The following AGBL4 variants were observed in gnomAD, a reference collection of about 807,000 sequenced individuals.
AGBL4 encodes the protein AGBL carboxypeptidase 4, also known as cytosolic carboxypeptidase 6.
In AGBL4, 58 loss-of-function variants were observed where a neutral mutation model predicts 66.4. That is an observed-to-expected ratio of 0.87 (90% CI 0.71 to 1.09). AGBL4 has a LOEUF of 1.09. Among genes scored for constraint, AGBL4 ranks in the 50% least tolerant of loss-of-function variants. The pLI is 0.00. For missense variants in AGBL4, 579 were observed against 631.0 expected, an observed-to-expected ratio of 0.92 and a Z score of 0.88; for synonymous variants, 234 against 222.9, an observed-to-expected ratio of 1.05 and a Z score of -0.44.
chr1:48,941,896 A>T (rs540209385), intron 5 of AGBL4, among the ~76,000 whole-genome samples: 11 of 152,336 alleles, frequency 7.2e-5, no homozygotes, highest in African/African-American at 2.6e-4. Flanking sequence ...ATACAAAGTC[A>T]GGACCTCTTA....
At chr1:49,480,003 G>A (rs1053174571) in intron 3 of AGBL4, among the ~76,000 whole-genome samples, 1 of 151,954 alleles carries the variant, frequency 6.6e-6, no homozygotes, top group Non-Finnish European at 1.5e-5. Context: ...CACGGCGCCC[G>A]GCTCACATTT....
chr1:48,828,604 T>G (rs932143811), intron 6 of AGBL4, among the ~76,000 whole-genome samples: 1 of 152,218 alleles, frequency 6.6e-6, no homozygotes. Context: ...TACATTCAGA[T>G]TTAGATGAAA....
At chr1:49,867,154 C>A (rs1158894360) in intron 1 of AGBL4, among the ~76,000 whole-genome samples, 1 of 152,070 alleles carries the variant, frequency 6.6e-6, no homozygotes, top group Non-Finnish European at 1.5e-5. Flanking sequence ...GGTGTCACAC[C>A]TAGGTGTCTG....
At chr1:48,998,415 G>GA (rs1294110188) in intron 5 of AGBL4, among the ~76,000 whole-genome samples, 5 of 152,298 alleles carry the variant, frequency 3.3e-5, no homozygotes, top group Admixed American at 1.3e-4. Context: ...GGAGACTGGT[G>GA]AATGACCCCT....
chr1:49,633,612 T>C (rs910099231), intron 3 of AGBL4, among the ~76,000 whole-genome samples: 5 of 152,074 alleles, frequency 3.3e-5, no homozygotes, highest in African/African-American at 1.2e-4. Flanking sequence ...AGAGCTATGA[T>C]GGCACCACTG....
At chr1:49,036,795 C>T (rs1664701905) in intron 5 of AGBL4, among the ~76,000 whole-genome samples, 2 of 150,546 alleles carry the variant, frequency 1.3e-5, no homozygotes. Flanking sequence ...CTCTTGGCCT[C>T]AAGCAATGCT....
intron 3 of AGBL4, among the ~76,000 whole-genome samples, chr1:49,473,038 T>C (rs1355644137): frequency 6.6e-6 from 1 of 152,108 alleles, no homozygotes; most frequent in Non-Finnish European, 1.5e-5. Flanking sequence ...TCCTATTTTC[T>C]TTATCCAATC....
At chr1:49,608,344 A>G (rs1234004958) in intron 3 of AGBL4, among the ~76,000 whole-genome samples, 2 of 152,176 alleles carry the variant, frequency 1.3e-5, no homozygotes, top group African/African-American at 4.8e-5. Flanking sequence ...AGAGAAATGA[A>G]TTAGAAAGTC....
intron 1 of AGBL4, among the ~76,000 whole-genome samples, chr1:50,006,329 A>G (rs532765204): frequency 4.1e-4 from 61 of 148,930 alleles, no homozygotes; most frequent in Non-Finnish European, 1.3e-4. Context: ...ACAGAGCAAG[A>G]CTCCGCCTCA....
intron 3 of AGBL4, among the ~76,000 whole-genome samples, chr1:49,550,400 G>T (rs1652859983): frequency 6.6e-6 from 1 of 152,132 alleles, no homozygotes; most frequent in Admixed American, 6.6e-5. Context: ...TAAGTCCTGT[G>T]TGATTTATGC....
chr1:49,059,266 G>A (rs1340121045), intron 4 of AGBL4, among the ~76,000 whole-genome samples: 1 of 152,234 alleles, frequency 6.6e-6, no homozygotes, highest in Non-Finnish European at 1.5e-5. Flanking sequence ...TCCAGCCATG[G>A]CTAAATGGGG....
At chr1:49,043,208 C>T (rs1412618813) in intron 5 of AGBL4, among the ~76,000 whole-genome samples, 1 of 152,148 alleles carries the variant, frequency 6.6e-6, no homozygotes, top group Non-Finnish European at 1.5e-5. Context: ...CATCCACTCT[C>T]CACCTTTCTA....
At chr1:49,820,575 C>T (rs1009646124) in intron 2 of AGBL4, among the ~76,000 whole-genome samples, 2 of 152,128 alleles carry the variant, frequency 1.3e-5, no homozygotes, top group Non-Finnish European at 2.9e-5. Context: ...ATCAGATACT[C>T]AAACCCTACA....
At chr1:48,796,271 T>C (rs1645672308) in intron 6 of AGBL4, among the ~76,000 whole-genome samples, 1 of 152,242 alleles carries the variant, frequency 6.6e-6, no homozygotes. Context: ...TTCTCTCCCA[T>C]GAAGGCACCT....
intron 4 of AGBL4, among the ~76,000 whole-genome samples, chr1:49,170,532 TAA>T (rs1447431083): frequency 6.9e-6 from 1 of 145,326 alleles, no homozygotes; most frequent in Non-Finnish European, 1.5e-5. Context: ...TATGTATATA[TAA>T]ATATATACAT....
At chr1:49,670,105 T>C (rs941565936) in intron 3 of AGBL4, among the ~76,000 whole-genome samples, 1 of 151,896 alleles carries the variant, frequency 6.6e-6, no homozygotes, top group Admixed American at 6.6e-5. Flanking sequence ...ATCACAACAA[T>C]CTCAGGCCTC....
At chr1:49,844,729 A>C in intron 2 of AGBL4, 1 of 1,605,092 alleles carries the variant, frequency 6.2e-7, no homozygotes. Context: ...GTCAGTTCTA[A>C]AGCAACGTAT....
At chr1:49,639,443 C>A (rs1645739332) in intron 3 of AGBL4, among the ~76,000 whole-genome samples, 1 of 152,128 alleles carries the variant, frequency 6.6e-6, no homozygotes, top group Non-Finnish European at 1.5e-5. Context: ...GTCTCAGAAC[C>A]ACTATCAACA....
At chr1:49,420,611 G>A (rs762875542) in intron 3 of AGBL4, among the ~76,000 whole-genome samples, 9 of 151,134 alleles carry the variant, frequency 6.0e-5, no homozygotes, top group South Asian at 2.1e-4. Context: ...TGAGGCAGGA[G>A]AATGGCATGA....
Sources: allele counts gnomAD v4.1 joint callset (sites outside exome capture counted in the v4.1 genomes callset), GRCh38; gene constraint gnomAD v4.1.1; transcripts MANE v1.5; gene names NCBI Gene and HGNC (gene_info 2026-07-23, HGNC 2026-07-21).